Variants in KCNG4 observed in about 807,000 individuals in gnomAD.
KCNG4 encodes the protein potassium voltage-gated channel modifier subfamily G member 4, also known as voltage-gated potassium channel regulatory subunit KCNG4.
A neutral mutation model predicts 28.2 loss-of-function variants in KCNG4; 30 were observed. The ratio of observed to expected loss-of-function variants is 1.06; its 90% CI spans 0.80 to 1.44. KCNG4 has a LOEUF of 1.44. Among genes scored for constraint, KCNG4 ranks in the 40% most tolerant of loss-of-function variants. The pLI is 0.00. For synonymous variants in KCNG4, 375 were observed against 315.5 expected (o/e 1.19, Z -2.00); for missense variants, 879 against 712.3 (o/e 1.23, Z -2.66).
At chr16:84,235,275 G>C (rs565633068) in intron 2 of KCNG4, 1 of 152,186 alleles carries the variant, frequency 6.6e-6, no homozygotes, top group Non-Finnish European at 1.5e-5. Context: ...AGAGGAACAG[G>C]CTTGTGAGCA....
chr16:84,236,792 C>T lies in KCNG4; in HGVS notation c.694G>A (p.Ala232Thr). The change falls in exon 2 of 3, where the codon GCC (alanine) becomes ACC (threonine). Residue 232 changes from alanine to threonine, a missense_variant. Coordinates refer to ENST00000308251, the MANE Select transcript of KCNG4 (RefSeq NM_172347.3). Reference protein sequence around the residue: ...VFACLSILFVATTAVSLCVST... With the variant: ...VFACLSILFVTTTAVSLCVST... Reference sequence around the variant, plus strand: ...ACACACAGGCTGACGGCTGTGGTGGCCACGAAGAGGATGGAGAGGCAAGCG... The same window carrying T: ...ACACACAGGCTGACGGCTGTGGTGGTCACGAAGAGGATGGAGAGGCAAGCG... 1 of 1,613,696 alleles carries T rather than the reference C, an allele frequency of 6.2e-7. No homozygotes were observed. Among genetic ancestry groups the T allele is most frequent in the Middle Eastern group, 1.7e-4 (1 of 6,052 alleles).
chr16:84,222,012 G>C lies in KCNG4; in HGVS notation c.*205C>G. 1 of 602,624 alleles carries C rather than the reference G, an allele frequency of 1.7e-6. No homozygotes were observed. The allele number at this position is 602,624 out of a possible 1,614,324, so 37.3% of individuals were successfully genotyped here. On this transcript the variant is annotated 3_prime_UTR_variant, in exon 3 of 3. Transcript: ENST00000308251. ...GGCAGAGAGAGGAAAAGGCAAGCAGGCTGGACACAGTCAGCCTGGGACATC... is the reference window on the plus strand; with the variant it reads ...GGCAGAGAGAGGAAAAGGCAAGCAGCCTGGACACAGTCAGCCTGGGACATC...
Position 84,222,908 on chromosome 16 carries a change from A to T in KCNG4, c.869T>A (p.Phe290Tyr). ...RFVQAQDKCQ[F>Y]FQGPLNIIDI... ...GATGATGTTCAGGGGCCCCTGGAAGAACTGACACTTGTCTTGGGCCTGGAC... is the reference window on the plus strand; with the variant it reads ...GATGATGTTCAGGGGCCCCTGGAAGTACTGACACTTGTCTTGGGCCTGGAC... The change falls in exon 3 of 3, where the codon TTC becomes TAC. Residue 290 changes from phenylalanine to tyrosine, a missense_variant. Physicochemically the swap from Phe to Tyr is conservative, Grantham distance 22 (BLOSUM62 3). Transcript: ENST00000308251. The T allele has an allele frequency of 1.2e-6, 2 of 1,611,496 alleles. No individual in the cohort carries two copies. Among genetic ancestry groups the T allele is most frequent in the Non-Finnish European group, 1.7e-6 (2 of 1,178,180 alleles).
chr16:84,230,715 A>G (rs1904808421), intron 2 of KCNG4, among the ~76,000 whole-genome samples: 1 of 152,216 alleles, frequency 6.6e-6, no homozygotes, highest in Non-Finnish European at 1.5e-5. Flanking sequence ...TAAGCCCACC[A>G]TGGTTCTGCA....
chr16:84,225,692 G>A (rs1435434410), intron 2 of KCNG4, among the ~76,000 whole-genome samples: 2 of 152,240 alleles, frequency 1.3e-5, no homozygotes, highest in African/African-American at 4.8e-5. Context: ...CTGAGAGGCC[G>A]AGAAGGCGCT....
Position 84,221,035 on chromosome 16 carries a change from G to A in KCNG4, c.*1182C>T, listed in dbSNP as rs1597613873. The A allele has an allele frequency of 6.6e-6, 1 of 152,388 alleles. No homozygotes were observed. The highest frequency in any genetic ancestry group is 1.5e-5 in the Non-Finnish European group (1 of 68,182). The allele number at this position is 152,388 out of a possible 1,614,324, so 9.4% of individuals were successfully genotyped here. ...GCCTTTGGGAGCCCACTGCTTGGAA[G>A]TCATTGCTCCTTCCTGCCTGCTCTC... is the stretch of plus-strand genomic sequence containing the variant. On this transcript the variant is annotated 3_prime_UTR_variant, in exon 3 of 3. Transcript: ENST00000308251.
At chr16:84,229,244 G>T (rs1280314644) in intron 2 of KCNG4, among the ~76,000 whole-genome samples, 2 of 150,150 alleles carry the variant, frequency 1.3e-5, no homozygotes, top group African/African-American at 4.9e-5. Context: ...GGAGAGCCGA[G>T]ATTGTACCAT....
At position 84,237,037 on chromosome 16, in the gene KCNG4, C is replaced by T; in HGVS notation, c.449G>A (p.Trp150Ter). 6.2e-7 allele frequency: 1 copy of T among 1,613,984 alleles called. No homozygotes were observed. Among genetic ancestry groups the T allele is most frequent in the Non-Finnish European group, 8.5e-7 (1 of 1,179,998 alleles). Residue 150 changes from tryptophan to a stop codon, truncating the protein, a stop_gained, in exon 2 of 3, where the codon TGG becomes TAG. Transcript: ENST00000308251. LOFTEE classifies it high-confidence loss of function. The part of the protein sequence containing the change: ...ALSFQEELAY[W>*]GIEEAHLERC... ...CTCCAGGTGGGCCTCCTCGATGCCCCAGTAGGCCAGCTCCTCCTGGAAGGA... is the reference window on the plus strand; with the variant it reads ...CTCCAGGTGGGCCTCCTCGATGCCCTAGTAGGCCAGCTCCTCCTGGAAGGA...
At chr16:84,228,559 G>A (rs1432581933) in intron 2 of KCNG4, among the ~76,000 whole-genome samples, 3 of 151,676 alleles carry the variant, frequency 2.0e-5, no homozygotes, top group Admixed American at 6.6e-5. Flanking sequence ...CCTCCCCCCA[G>A]GCACTACTCA....
chr16:84,234,451 T>C (rs766204571), intron 2 of KCNG4, among the ~76,000 whole-genome samples: 10 of 152,156 alleles, frequency 6.6e-5, no homozygotes, highest in Non-Finnish European at 1.0e-4. Context: ...AGTGCTGAGC[T>C]TACAGGCGTG....
intron 2 of KCNG4, among the ~76,000 whole-genome samples, chr16:84,228,160 C>A (rs1904739409): frequency 6.6e-6 from 1 of 152,216 alleles, no homozygotes; most frequent in African/African-American, 2.4e-5. Flanking sequence ...CCTGGGGGCC[C>A]TGCAGATGCA....
In KCNG4 at chr16:84,237,214, C is replaced by A; in HGVS notation, c.272G>T (p.Cys91Phe). 6.2e-7 allele frequency: 1 copy of A among 1,614,170 alleles called. No homozygotes were observed. The highest frequency in any genetic ancestry group is 8.5e-7 in the Non-Finnish European group (1 of 1,180,048). Residue 91 changes from cysteine to phenylalanine, a missense_variant, in exon 2 of 3, where the codon TGT becomes TTT. By Grantham distance (205) the Cys-to-Phe change is radical. Coordinates refer to ENST00000308251, the MANE Select transcript of KCNG4 (RefSeq NM_172347.3). ...CTGCACGATCTCCTCGTAGCTCCGA[C>A]AGAGCCTGAGTTTGCTCAGGCGGCT... is the stretch of plus-strand genomic sequence containing the variant. ...PLSRLSKLRL[C>F]RSYEEIVQLC... is the part of the protein sequence containing the mutation.
rs1475093380 is a variant in KCNG4, at chr16:84,226,138, C to T, written c.757-3118G>A. Among the ~76,000 whole-genome samples, 2 of 152,182 alleles carry T rather than the reference C, an allele frequency of 1.3e-5. No individual in the cohort carries two copies. Among genetic ancestry groups the T allele is most frequent in the Non-Finnish European group, 1.5e-5 (1 of 68,038 alleles). ...TTCCTAGCCCTTGCCACAGGCAGAG[C>T]GAGGTGTGTTCTGGCTCCTTCCTGC... On this transcript the variant is annotated intron_variant, in intron 2 of 2. Transcript: ENST00000308251. This position sits in a 1 kb window ranked among gnomAD's most constrained non-coding sequence, Gnocchi z 4.1.
intron 1 of KCNG4, 117 bp from the exon 2 acceptor site, chr16:84,237,642 C>A (rs1905007792): frequency 1.3e-5 from 8 of 593,672 alleles, no homozygotes; most frequent in Middle Eastern, 5.5e-4. Flanking sequence ...ACTGCATCTG[C>A]ATGGCTTGTT....
intron 2 of KCNG4, among the ~76,000 whole-genome samples, chr16:84,232,527 T>C (rs867887591): frequency 6.6e-6 from 1 of 152,188 alleles, no homozygotes; most frequent in South Asian, 2.1e-4. Flanking sequence ...CTGCAGAAGA[T>C]TGTGATTGTA....
chr16:84,224,421 C>CAT (rs1904652165), intron 2 of KCNG4, among the ~76,000 whole-genome samples: 2 of 36,046 alleles, frequency 5.5e-5, no homozygotes, highest in African/African-American at 2.2e-4. Context: ...CACACACACA[C>CAT]ACACACACAC....
rs1904689710 is a variant in KCNG4, at chr16:84,226,076, C to G, written c.757-3056G>C. Among the ~76,000 whole-genome samples the G allele has an allele frequency of 6.6e-6, 1 of 152,194 alleles. No individual in the cohort carries two copies. Among genetic ancestry groups the G allele is most frequent in the South Asian group, 2.1e-4 (1 of 4,834 alleles). ...GAAAGTTCCGGGTCCTAGGAACCCC[C>G]TGGGCCCTGGGCACACCGGGATGGT... is the stretch of plus-strand genomic sequence containing the variant. On this transcript the variant is annotated intron_variant, in intron 2 of 2. Coordinates refer to ENST00000308251, the MANE Select transcript of KCNG4 (RefSeq NM_172347.3). The surrounding 1 kb of genome is among the most constrained non-coding windows in gnomAD (Gnocchi z 4.1).
intron 1 of KCNG4, among the ~76,000 whole-genome samples, chr16:84,238,559 C>A (rs1033766741): frequency 1.3e-5 from 2 of 152,222 alleles, no homozygotes; most frequent in African/African-American, 2.4e-5. Context: ...CCTCTCTGGG[C>A]CCGCAGGCTT....
chr16:84,229,952 T>C (rs1333839049), intron 2 of KCNG4, among the ~76,000 whole-genome samples: 1 of 152,104 alleles, frequency 6.6e-6, no homozygotes, highest in African/African-American at 2.4e-5. Context: ...GGAAGCTGAT[T>C]CATGGTCCGA....
Sources: allele counts gnomAD v4.1 joint callset (sites outside exome capture counted in the v4.1 genomes callset), GRCh38; gene constraint gnomAD v4.1.1; non-coding constraint Gnocchi (gnomAD v3.1); transcripts MANE v1.5; gene names NCBI Gene and HGNC (gene_info 2026-07-23, HGNC 2026-07-21).